The following ZCWPW2 variants were observed in gnomAD, a reference collection of about 807,000 sequenced individuals.
The protein encoded by ZCWPW2 is zinc finger CW-type PWWP domain protein 2.
ZCWPW2 carries 45 observed loss-of-function variants against 46.6 expected under a neutral mutation model. The ratio of observed to expected loss-of-function variants is 0.96; its 90% CI spans 0.76 to 1.24. The LOEUF (loss-of-function observed/expected upper bound fraction) is 1.24. Among genes scored for constraint, ZCWPW2 ranks in the 50% most tolerant of loss-of-function variants. ZCWPW2 has a pLI of 0.00. For synonymous variants in ZCWPW2, 152 were observed against 137.1 expected (o/e 1.11, Z -0.76); for missense variants, 429 against 403.9 (o/e 1.06, Z -0.53).
chr3:28,484,579 G>A (rs898297613), intron 5 of ZCWPW2, among the ~76,000 whole-genome samples: 2 of 152,082 alleles, frequency 1.3e-5, no homozygotes, highest in Non-Finnish European at 1.5e-5. Context: ...TGTTCATAAT[G>A]TTCCTTTATT....
chr3:28,500,138 T>C (rs1473774369), intron 6 of ZCWPW2, among the ~76,000 whole-genome samples: 10 of 152,212 alleles, frequency 6.6e-5, no homozygotes, highest in African/African-American at 2.2e-4. Flanking sequence ...GTAGAAGGAT[T>C]ATGCTGAAGT....
At chr3:28,504,766 A>G (rs1320982513) in intron 6 of ZCWPW2, among the ~76,000 whole-genome samples, 6 of 152,184 alleles carry the variant, frequency 3.9e-5, no homozygotes. Context: ...TTAGAGGTCA[A>G]ATAATCTAAT....
chr3:28,466,945 C>G (rs1698847687), intron 4 of ZCWPW2, among the ~76,000 whole-genome samples: 1 of 151,916 alleles, frequency 6.6e-6, no homozygotes, highest in Non-Finnish European at 1.5e-5. Flanking sequence ...ACAATTGAGA[C>G]TTTTGACAAA....
Position 28,409,129 on chromosome 3 carries a change from T to C in ZCWPW2, c.-13-3927T>C, listed in dbSNP as rs868155518. Among the ~76,000 whole-genome samples, 1,110 of 142,178 alleles carry C rather than the reference T, an allele frequency of 7.8e-3. 11 individuals are homozygous for C. The highest frequency in any genetic ancestry group is 0.026 in the African/African-American group (1,001 of 38,488). The allele number at this position is 142,178 out of a possible 152,430, so 93.3% of individuals were successfully genotyped here. On this transcript the variant is annotated intron_variant, in intron 2 of 9. Coordinates refer to ENST00000383768, the MANE Select transcript of ZCWPW2 (RefSeq NM_001040432.4). ...GCTTAATTTTTTCTTTTTCTTTTTT[T>C]TTTTTTTTTTTTTTTGAGTCTCACT...
intron 3 of ZCWPW2, among the ~76,000 whole-genome samples, chr3:28,422,142 C>T (rs918255407): frequency 6.6e-6 from 1 of 151,970 alleles, no homozygotes; most frequent in African/African-American, 2.4e-5. Context: ...CACAGCTGCC[C>T]CACCCTCAAT....
At chr3:28,408,545 C>A (rs1266297692) in intron 2 of ZCWPW2, among the ~76,000 whole-genome samples, 1 of 152,036 alleles carries the variant, frequency 6.6e-6, no homozygotes, top group Non-Finnish European at 1.5e-5. Context: ...AATGTAACTC[C>A]AATACATTGC....
intron 4 of ZCWPW2, among the ~76,000 whole-genome samples, chr3:28,474,005 A>G (rs1200630420): frequency 2.0e-5 from 3 of 152,214 alleles, no homozygotes; most frequent in African/African-American, 7.2e-5. Context: ...TTTACATTTA[A>G]AAATAACTAA....
At chr3:28,523,322 G>A (rs1700771857) in intron 9 of ZCWPW2, among the ~76,000 whole-genome samples, 1 of 152,046 alleles carries the variant, frequency 6.6e-6, no homozygotes, top group South Asian at 2.1e-4. Context: ...TAAATGAGGA[G>A]AATAACAGTG....
rs1700711529 is a variant in ZCWPW2 at position 28,521,082 on chromosome 3, A to G, written c.875A>G (p.Glu292Gly). The G allele has an allele frequency of 6.2e-7, 1 of 1,609,464 alleles. No individual in the cohort carries two copies. Among genetic ancestry groups the G allele is most frequent in the Non-Finnish European group, 8.5e-7 (1 of 1,178,816 alleles). ...QPTATPDESE[E>G]GHGEEINMGE... Reference sequence around the variant, plus strand: ...ACAGCCACACCTGATGAATCAGAAGAAGGACATGGAGAGGAAATAAATATG... The same window carrying G: ...ACAGCCACACCTGATGAATCAGAAGGAGGACATGGAGAGGAAATAAATATG... The change falls in exon 9 of 10, where the codon GAA becomes GGA. Residue 292 changes from glutamate to glycine, a missense_variant. Transcript: ENST00000383768.
intron 2 of ZCWPW2, among the ~76,000 whole-genome samples, chr3:28,404,528 C>G (rs937892726): frequency 3.9e-5 from 6 of 152,114 alleles, no homozygotes; most frequent in African/African-American, 1.4e-4. Flanking sequence ...TACTGGCTCT[C>G]TACCCAGAGA....
rs574276624 is a variant in ZCWPW2 at position 28,391,922 on chromosome 3, G to GA, written c.-14+1311dup. The stretch of plus-strand genomic sequence containing the variant: ...GAGCAAAGGACCCACAAAACAGCCA[G>GA]AAAAAATTTAACAAAATGGCAATAG... On this transcript the variant is annotated intron_variant, in intron 2 of 9. Coordinates refer to ENST00000383768, the MANE Select transcript of ZCWPW2 (RefSeq NM_001040432.4). 1.7e-3 allele frequency among the ~76,000 whole-genome samples: 257 copies of GA among 152,184 alleles called. 1 individual carries two copies. The highest frequency in any genetic ancestry group is 2.2e-3 in the African/African-American group (90 of 41,524).
intron 1 of ZCWPW2, among the ~76,000 whole-genome samples, chr3:28,369,863 C>A (rs746901023): frequency 2.2e-4 from 34 of 152,302 alleles, no homozygotes; most frequent in Non-Finnish European, 4.3e-4. Context: ...ATGGTGGGGG[C>A]CCCTCCCCCA....
intron 3 of ZCWPW2, among the ~76,000 whole-genome samples, chr3:28,421,830 T>TGTG (rs1696802737): frequency 8.5e-6 from 1 of 117,706 alleles, no homozygotes; most frequent in Non-Finnish European, 1.8e-5. Flanking sequence ...TGTTGGAGAA[T>TGTG]AGTTTGTGTG....
intron 2 of ZCWPW2, among the ~76,000 whole-genome samples, chr3:28,406,489 A>G (rs1696165520): frequency 6.6e-6 from 1 of 152,218 alleles, no homozygotes. Flanking sequence ...CTATTCATGT[A>G]GAGGCAATGA....
intron 4 of ZCWPW2, among the ~76,000 whole-genome samples, chr3:28,469,927 G>A (rs1426839472): frequency 6.6e-6 from 1 of 152,094 alleles, no homozygotes; most frequent in Non-Finnish European, 1.5e-5. Context: ...GGAACATATA[G>A]ACCTAATAGA....
At chr3:28,507,087 G>A (rs1332052112) in intron 6 of ZCWPW2, among the ~76,000 whole-genome samples, 1 of 152,092 alleles carries the variant, frequency 6.6e-6, no homozygotes, top group Non-Finnish European at 1.5e-5. Flanking sequence ...GCCAGTAAGT[G>A]CCAGAATAAG....
rs149326174 is a variant in ZCWPW2 at position 28,388,625 on chromosome 3, A to G, written c.-133-1873A>G. Among the ~76,000 whole-genome samples the G allele has an allele frequency of 2.5e-3, 387 of 152,326 alleles. 1 individual carries two copies. Among genetic ancestry groups the G allele is most frequent in the African/African-American group, 8.4e-3 (351 of 41,564 alleles). On this transcript the variant is annotated intron_variant, in intron 1 of 9. Coordinates refer to ENST00000383768, the MANE Select transcript of ZCWPW2 (RefSeq NM_001040432.4). ...ATGGGATATTAGGGGAAGAAAACAA[A>G]GATATTTGGCTTATACTCACATATA...
At chr3:28,378,007 T>C (rs1575066216) in intron 1 of ZCWPW2, among the ~76,000 whole-genome samples, 1 of 152,082 alleles carries the variant, frequency 6.6e-6, no homozygotes, top group Non-Finnish European at 1.5e-5. Context: ...TGTCTGACTT[T>C]GGATGAAACC....
chr3:28,380,864 T>G (rs1434792283), intron 1 of ZCWPW2, among the ~76,000 whole-genome samples: 1 of 146,952 alleles, frequency 6.8e-6, no homozygotes, highest in Non-Finnish European at 1.5e-5. Flanking sequence ...AAGTCTATTC[T>G]CTACCTAATA....
Sources: allele counts gnomAD v4.1 joint callset (sites outside exome capture counted in the v4.1 genomes callset), GRCh38; gene constraint gnomAD v4.1.1; transcripts MANE v1.5; gene names NCBI Gene and HGNC (gene_info 2026-07-23, HGNC 2026-07-21).